Variants in CNTN5 observed in about 807,000 individuals in gnomAD.
CNTN5 encodes the protein contactin-5.
Under a neutral mutation model 129.1 loss-of-function variants are expected in CNTN5, and 77 were observed. The ratio of observed to expected loss-of-function variants is 0.60; its 90% CI spans 0.50 to 0.72. CNTN5 has a LOEUF of 0.72. Among genes scored for constraint, CNTN5 ranks in the 30% least tolerant of loss-of-function variants. The pLI is 0.00. For synonymous variants in CNTN5, 509 were observed against 465.6 expected (o/e 1.09, Z -1.20); for missense variants, 1,478 against 1,328.8 (o/e 1.11, Z -1.75).
intron 3 of CNTN5, among the ~76,000 whole-genome samples, chr11:99,584,191 G>A (rs563723198): frequency 7.2e-5 from 11 of 152,164 alleles, no homozygotes; most frequent in South Asian, 2.1e-4. Flanking sequence ...ATTGTTCAAC[G>A]TTGTTCCCTT....
chr11:99,210,484 C>G (rs1269391726), intron 1 of CNTN5, among the ~76,000 whole-genome samples: 1 of 151,946 alleles, frequency 6.6e-6, no homozygotes, highest in Non-Finnish European at 1.5e-5. Flanking sequence ...TCAGACTCAG[C>G]AGAAAAAGGT....
At chr11:99,789,078 CAA>C (rs1005455683) in intron 3 of CNTN5, among the ~76,000 whole-genome samples, 2 of 150,232 alleles carry the variant, frequency 1.3e-5, no homozygotes, top group African/African-American at 4.9e-5. Context: ...AAGAAACAAA[CAA>C]AAAAAAATTA....
chr11:100,099,484 T>C (rs1945144669), intron 13 of CNTN5, among the ~76,000 whole-genome samples: 2 of 152,198 alleles, frequency 1.3e-5, no homozygotes, highest in South Asian at 4.1e-4. Context: ...AGTTTGTCCA[T>C]TGGTTAGACT....
intron 15 of CNTN5, among the ~76,000 whole-genome samples, chr11:100,217,289 C>A (rs1458093478): frequency 6.6e-6 from 1 of 152,010 alleles, no homozygotes; most frequent in Non-Finnish European, 1.5e-5. Flanking sequence ...ATGCTAGTCA[C>A]TGTGTTAAGA....
chr11:99,945,516 G>A (rs979740081), intron 7 of CNTN5, among the ~76,000 whole-genome samples: 12 of 146,522 alleles, frequency 8.2e-5, no homozygotes, highest in South Asian at 2.2e-4. Flanking sequence ...GTGTGTGTGT[G>A]TATAGGCTAG....
intron 1 of CNTN5, among the ~76,000 whole-genome samples, chr11:99,112,541 G>A (rs1369007954): frequency 6.6e-6 from 1 of 151,958 alleles, no homozygotes; most frequent in Admixed American, 6.6e-5. Context: ...CGTTTCTTTT[G>A]TTGGCACCAT....
At chr11:100,171,536 C>G (rs541121437) in intron 13 of CNTN5, among the ~76,000 whole-genome samples, 25 of 152,144 alleles carry the variant, frequency 1.6e-4, no homozygotes, top group African/African-American at 4.6e-4. Flanking sequence ...GTTCAGAGCA[C>G]TGTGAAGAGC....
intron 1 of CNTN5, among the ~76,000 whole-genome samples, chr11:99,083,093 G>T (rs1264271811): frequency 6.6e-6 from 1 of 151,862 alleles, no homozygotes; most frequent in African/African-American, 2.4e-5. Flanking sequence ...GAATTGACAA[G>T]GGTTGTTGTT....
intron 8 of CNTN5, among the ~76,000 whole-genome samples, chr11:99,994,915 G>A (rs1162970679): frequency 1.3e-5 from 2 of 152,144 alleles, no homozygotes; most frequent in Admixed American, 6.5e-5. Flanking sequence ...GACATGAAGA[G>A]GAAGTAAAAG....
chr11:100,281,387 T>G (rs561867097), intron 18 of CNTN5, among the ~76,000 whole-genome samples: 8 of 152,264 alleles, frequency 5.3e-5, no homozygotes, highest in Admixed American at 1.3e-4. Context: ...TTTTTTTTCA[T>G]TAGCACTTTA....
At chr11:100,174,185 T>C (rs566111277) in intron 13 of CNTN5, among the ~76,000 whole-genome samples, 31 of 152,168 alleles carry the variant, frequency 2.0e-4, no homozygotes, top group Admixed American at 3.9e-4. Context: ...ATTTAGACTC[T>C]CCAGTAAGTC....
chr11:100,356,402 G>GT lies in CNTN5; in HGVS notation c.*187dup. ...TACTTATCCATCAGGTTTCTCTTTG[G>GT]TTTTTGTAAACGGAGAGGACAGTTC... On this transcript the variant is annotated 3_prime_UTR_variant, in exon 25 of 25. Coordinates refer to ENST00000524871, the MANE Select transcript of CNTN5 (RefSeq NM_014361.4). 1.7e-6 allele frequency: 1 copy of GT among 590,402 alleles called. No homozygotes were observed. The highest frequency in any genetic ancestry group is 3.0e-6 in the Non-Finnish European group (1 of 330,956). 36.6% of individuals were successfully genotyped at this position (590,402 alleles called of 1,614,324 possible). A position where few individuals can be genotyped will look rare whatever the true frequency, so the allele number is the denominator to read the frequency against.
chr11:99,831,796 T>G (rs1177227989), intron 4 of CNTN5, among the ~76,000 whole-genome samples: 2 of 152,216 alleles, frequency 1.3e-5, no homozygotes, highest in East Asian at 1.9e-4. Flanking sequence ...AAATGTTATT[T>G]TTTTTAATTT....
intron 2 of CNTN5, among the ~76,000 whole-genome samples, chr11:99,353,955 G>A (rs1938470593): frequency 1.3e-5 from 2 of 152,068 alleles, no homozygotes. Flanking sequence ...GTTGATTTAG[G>A]GATATGTGTA....
At chr11:99,655,829 GAC>G (rs910267707) in intron 3 of CNTN5, among the ~76,000 whole-genome samples, 4 of 151,846 alleles carry the variant, frequency 2.6e-5, no homozygotes, top group Admixed American at 6.6e-5. Context: ...AGGATGTAAA[GAC>G]AGGAATAAAT....
intron 1 of CNTN5, among the ~76,000 whole-genome samples, chr11:99,180,647 C>T (rs188157395): frequency 6.6e-6 from 1 of 152,278 alleles, no homozygotes; most frequent in Admixed American, 6.5e-5. Flanking sequence ...TGTCCATGTT[C>T]AATTGAGTTC....
intron 7 of CNTN5, among the ~76,000 whole-genome samples, chr11:99,938,035 A>G (rs1653296925): frequency 6.6e-6 from 1 of 152,220 alleles, no homozygotes; most frequent in South Asian, 2.1e-4. Context: ...TATCATGCGA[A>G]TAGGCTCTAA....
chr11:99,711,833 AG>A (rs1259760217), intron 3 of CNTN5, among the ~76,000 whole-genome samples: 1 of 152,108 alleles, frequency 6.6e-6, no homozygotes, highest in Non-Finnish European at 1.5e-5. Flanking sequence ...AAGGCTGCGT[AG>A]TATCCCATGT....
intron 3 of CNTN5, among the ~76,000 whole-genome samples, chr11:99,616,166 C>G (rs1199335112): frequency 1.3e-5 from 2 of 152,178 alleles, no homozygotes; most frequent in East Asian, 1.9e-4. Context: ...TCTATCACCT[C>G]AAGAATCACT....
Sources: gnomAD v4.1 joint callset for allele counts (sites outside exome capture counted in the v4.1 genomes callset) on GRCh38, gnomAD v4.1.1 for gene constraint, MANE v1.5 for transcripts, NCBI Gene and HGNC (gene_info 2026-07-23, HGNC 2026-07-21) for gene names.